The following SLC2A9 variants were observed in gnomAD, a reference collection of about 807,000 sequenced individuals.
SLC2A9 encodes the protein solute carrier family 2 member 9, also known as solute carrier family 2, facilitated glucose transporter member 9.
A neutral mutation model predicts 50.6 loss-of-function variants in SLC2A9; 39 were observed. The ratio of observed to expected loss-of-function variants is 0.77; its 90% CI spans 0.60 to 1.01. The LOEUF (loss-of-function observed/expected upper bound fraction) is 1.01, where lower values mean the gene tolerates loss of function less well. Ranked by LOEUF, SLC2A9 falls within the 50% of genes least tolerant of loss-of-function variation. The pLI is 0.00. For missense variants in SLC2A9, 686 were observed against 677.6 expected, an observed-to-expected ratio of 1.01 and a Z score of -0.14; for synonymous variants, 324 against 276.9, an observed-to-expected ratio of 1.17 and a Z score of -1.69.
chr4:9,772,188 G>A (rs556393302), intron 1 of SLC2A9, among the ~76,000 whole-genome samples: 5 of 152,264 alleles, frequency 3.3e-5, no homozygotes, highest in Admixed American at 1.3e-4. Flanking sequence ...TGAGAGACCT[G>A]CCCAACAGCT....
In SLC2A9 at chr4:10,016,957, A is replaced by G. The variant is rs1762712741; in HGVS notation, c.249+2018T>C. ...TTCATCCCAGCTCTGCATTCCCCCTAGGTACTGGCACATCACACGCTACTA... is the reference window on the plus strand; with the variant it reads ...TTCATCCCAGCTCTGCATTCCCCCTGGGTACTGGCACATCACACGCTACTA... On this transcript the variant is annotated intron_variant, in intron 2 of 11. Coordinates refer to ENST00000264784, the MANE Select transcript of SLC2A9 (RefSeq NM_020041.3). Among the ~76,000 whole-genome samples the G allele has an allele frequency of 2.6e-5, 4 of 151,782 alleles. No homozygotes were observed. In the South Asian group the frequency reaches 8.3e-4, roughly 32 times the overall value.
intron 10 of SLC2A9, chr4:9,880,022 C>T (rs763641525): frequency 1.0e-6 from 1 of 985,460 alleles, no homozygotes; most frequent in Non-Finnish European, 1.2e-6. Flanking sequence ...CCTGGGAGAT[C>T]CATCCCTCTT....
intron 6 of SLC2A9, among the ~76,000 whole-genome samples, chr4:9,927,860 C>A (rs1745190784): frequency 1.3e-5 from 2 of 152,154 alleles, no homozygotes; most frequent in African/African-American, 2.4e-5. Context: ...TTCGATCTGT[C>A]TTTTGAATGA....
chr4:10,000,800 CT>C (rs1461235238), intron 2 of SLC2A9, among the ~76,000 whole-genome samples: 2 of 152,166 alleles, frequency 1.3e-5, no homozygotes, highest in Non-Finnish European at 2.9e-5. Context: ...ACCTCTGCCC[CT>C]GAATTCCTTT....
intron 2 of SLC2A9, among the ~76,000 whole-genome samples, chr4:10,007,055 G>A (rs1267542577): frequency 2.6e-5 from 4 of 152,192 alleles, no homozygotes; most frequent in African/African-American, 9.7e-5. Context: ...CTTCACCCCT[G>A]CACCTTTTTC....
chr4:10,038,128 T>C (rs1376709231), intron 1 of SLC2A9, among the ~76,000 whole-genome samples: 1 of 152,102 alleles, frequency 6.6e-6, no homozygotes, highest in African/African-American at 2.4e-5. Flanking sequence ...CTTTGATTTT[T>C]CTCCCTAAGA....
At chr4:9,935,979 A>G (rs1288382868) in intron 6 of SLC2A9, among the ~76,000 whole-genome samples, 1 of 152,202 alleles carries the variant, frequency 6.6e-6, no homozygotes, top group Non-Finnish European at 1.5e-5. Context: ...TGGGAGGCAC[A>G]TCTATGAATC....
chr4:10,020,517 G>GTA (rs1763376514), intron 1 of SLC2A9, among the ~76,000 whole-genome samples: 1 of 152,212 alleles, frequency 6.6e-6, no homozygotes, highest in African/African-American at 2.4e-5. Context: ...TTGAAATGTA[G>GTA]TACCAGAATA....
rs55927201 is a variant in SLC2A9, at chr4:9,917,325, C to CTTTTTTTTT, written c.1002+3051_1002+3059dup. ...CAACTTTTGAATAATTTCTTTTTTC[C>CTTTTTTTTT]TTTTTTTTTTTTTTTTTTTTTTTTT... On this transcript the variant is annotated intron_variant, in intron 7 of 11. Transcript: ENST00000264784. Among the ~76,000 whole-genome samples, 433 of 81,858 alleles carry CTTTTTTTTT rather than the reference C, an allele frequency of 5.3e-3. 1 individual carries two copies. The highest frequency in any genetic ancestry group is 6.1e-3 in the Non-Finnish European group (285 of 46,974). The allele number at this position is 81,858 out of a possible 152,430, so 53.7% of individuals were successfully genotyped here.
At chr4:9,801,961 A>G (rs940830070) in intron 3 of SLC2A9, among the ~76,000 whole-genome samples, 2 of 152,200 alleles carry the variant, frequency 1.3e-5, no homozygotes, top group Non-Finnish European at 2.9e-5. Flanking sequence ...TGAGCAAAAG[A>G]TGGACTCCCA....
At chr4:9,921,896 TA>T (rs1744019254) in intron 6 of SLC2A9, among the ~76,000 whole-genome samples, 1 of 152,210 alleles carries the variant, frequency 6.6e-6, no homozygotes, top group Non-Finnish European at 1.5e-5. Context: ...TTTTCCATTA[TA>T]AAATAAGGAT....
chr4:9,901,322 G>A (rs1330344003), intron 8 of SLC2A9, among the ~76,000 whole-genome samples: 1 of 152,120 alleles, frequency 6.6e-6, no homozygotes. Context: ...AAATGCCATA[G>A]AATCATTATT....
intron 3 of SLC2A9, among the ~76,000 whole-genome samples, chr4:9,817,887 A>G (rs1253411839): frequency 6.6e-6 from 1 of 152,144 alleles, no homozygotes; most frequent in Non-Finnish European, 1.5e-5. Context: ...AGCTCGACCA[A>G]TCACTGGCTT....
chr4:9,968,050 T>C (rs545229117), intron 5 of SLC2A9, among the ~76,000 whole-genome samples: 10 of 152,304 alleles, frequency 6.6e-5, no homozygotes, highest in African/African-American at 2.4e-4. Context: ...AAAGTTTTCT[T>C]GAAGTAATGA....
intron 11 of SLC2A9, among the ~76,000 whole-genome samples, chr4:9,834,012 A>G (rs1726626212): frequency 6.6e-6 from 1 of 151,896 alleles, no homozygotes; most frequent in Non-Finnish European, 1.5e-5. Flanking sequence ...TCTCTCACCC[A>G]TCTTTCTTGC....
intron 3 of SLC2A9, among the ~76,000 whole-genome samples, chr4:9,813,891 T>C (rs967272187): frequency 7.9e-5 from 12 of 152,022 alleles, no homozygotes; most frequent in African/African-American, 2.9e-4. Flanking sequence ...AAGCCAGGAA[T>C]TCAAGACCAG....
At chr4:9,804,467 G>A (rs999562090) in intron 3 of SLC2A9, among the ~76,000 whole-genome samples, 17 of 152,100 alleles carry the variant, frequency 1.1e-4, no homozygotes, top group Admixed American at 1.0e-3. Flanking sequence ...GCTGTGGAAA[G>A]CACCTTCTGT....
chr4:9,866,012 T>C (rs969810852), intron 10 of SLC2A9, among the ~76,000 whole-genome samples: 4 of 152,082 alleles, frequency 2.6e-5, no homozygotes, highest in African/African-American at 9.7e-5. Context: ...CCCCTCTGCC[T>C]CCAGGTAGTG....
chr4:9,871,704 C>G (rs1733464358), intron 10 of SLC2A9, among the ~76,000 whole-genome samples: 1 of 152,190 alleles, frequency 6.6e-6, no homozygotes, highest in African/African-American at 2.4e-5. Flanking sequence ...TCTGAGAGAA[C>G]AAGAATCTTT....
Sources: allele counts gnomAD v4.1 joint callset (sites outside exome capture counted in the v4.1 genomes callset), GRCh38; gene constraint gnomAD v4.1.1; transcripts MANE v1.5; gene names NCBI Gene and HGNC (gene_info 2026-07-23, HGNC 2026-07-21).